The following ABCA9 variants were observed in gnomAD, a reference collection of about 807,000 sequenced individuals.
ABCA9 encodes ATP binding cassette subfamily A member 9.
Under a neutral mutation model 205.3 loss-of-function variants are expected in ABCA9, and 183 were observed. The observed-to-expected ratio is 0.89, with a 90% CI of 0.79 to 1.01. The LOEUF (loss-of-function observed/expected upper bound fraction) is 1.01, where lower values mean the gene tolerates loss of function less well. Among genes scored for constraint, ABCA9 ranks in the 50% least tolerant of loss-of-function variants. The probability of loss-of-function intolerance (pLI) is 0.00; values close to 1 mark genes in which losing one functional copy is unlikely to be tolerated. For synonymous variants in ABCA9, 651 were observed against 683.3 expected, an observed-to-expected ratio of 0.95 and a Z score of 0.74; for missense variants, 1,805 against 1,912.4, an observed-to-expected ratio of 0.94 and a Z score of 1.05.
chr17:69,070,106 A>G, the ABCA9 span, among the ~76,000 whole-genome samples: 1 of 152,194 alleles, frequency 6.6e-6, no homozygotes, highest in Non-Finnish European at 1.5e-5. Flanking sequence ...TAATGGTTCC[A>G]GAATGAACAA....
At chr17:69,040,931 A>T (rs2071515785) in intron 6 of ABCA9, among the ~76,000 whole-genome samples, 1 of 152,218 alleles carries the variant, frequency 6.6e-6, no homozygotes, top group African/African-American at 2.4e-5. Flanking sequence ...AAGGAGAAAG[A>T]GAAAAAGCTT....
chr17:69,040,315 T>C (rs1255061626), intron 6 of ABCA9, among the ~76,000 whole-genome samples: 1 of 152,112 alleles, frequency 6.6e-6, no homozygotes, highest in African/African-American at 2.4e-5. Flanking sequence ...CCAATGCCCA[T>C]AAATGCTAGA....
chr17:69,023,701 C>T lies in ABCA9; in HGVS notation c.2281+513G>A, dbSNP rs1387389713. Among the ~76,000 whole-genome samples, 1 of 152,182 alleles carries T rather than the reference C, an allele frequency of 6.6e-6. No homozygotes were observed. On this transcript the variant is annotated intron_variant, in intron 17 of 38. Transcript: ENST00000340001. This position sits in a 1 kb window ranked among gnomAD's most constrained non-coding sequence, Gnocchi z 4.2. ...GAAAAGTAATAACACCAGTAGTTCT[C>T]CAAGCTTCTGTGTTTGCAGCAAAGT...
rs536077740 is a variant in ABCA9 at position 68,982,518 on chromosome 17, CT to C, written c.4720+43del. 2.1e-4 allele frequency: 298 copies of C among 1,448,400 alleles called. No homozygotes were observed. The African/African-American group carries it at 2.7e-3, about 13-fold the overall frequency. The allele number at this position is 1,448,400 out of a possible 1,614,324, so 89.7% of individuals were successfully genotyped here. On this transcript the variant is annotated intron_variant, in intron 37 of 38. Transcript: ENST00000340001. Reference sequence around the variant, plus strand: ...ATACTGGTTCTATGTCAGATTTAGGCTTATCTGTTTCCCAGAGTTTTGTCTC... The same window carrying C: ...ATACTGGTTCTATGTCAGATTTAGGCTATCTGTTTCCCAGAGTTTTGTCTC...
chr17:68,990,388 C>T (rs532088024), intron 29 of ABCA9, among the ~76,000 whole-genome samples: 1 of 152,266 alleles, frequency 6.6e-6, no homozygotes, highest in South Asian at 2.1e-4. Context: ...TATGCACATG[C>T]ATGTGTTTCT....
In ABCA9 at chr17:69,016,701, T is replaced by G. The variant is rs192271461; in HGVS notation, c.2902-311A>C. Among the ~76,000 whole-genome samples the G allele has an allele frequency of 8.5e-5, 13 of 152,290 alleles. No individual in the cohort carries two copies. In the East Asian group the frequency reaches 2.5e-3, roughly 29 times the overall value. The stretch of plus-strand genomic sequence containing the variant: ...TCCATAGTGCAACCTCAGTTTAACC[T>G]GGCTATAGACTTTGTTTCAAAATGT... On this transcript the variant is annotated intron_variant, in intron 21 of 38. Transcript: ENST00000340001.
chr17:69,022,300 T>C (rs2070839058), intron 17 of ABCA9: 1 of 151,924 alleles, frequency 6.6e-6, no homozygotes, highest in Non-Finnish European at 1.5e-5. Flanking sequence ...TATAGACTCT[T>C]TGATAGTTTA....
intron 3 of ABCA9, among the ~76,000 whole-genome samples, chr17:69,046,381 G>C (rs2071703009): frequency 6.6e-6 from 1 of 152,126 alleles, no homozygotes; most frequent in Non-Finnish European, 1.5e-5. Context: ...GGCTTAACCA[G>C]ACTCAGGTCT....
rs2070669008 is a variant in ABCA9 at position 69,017,690 on chromosome 17, T to G, written c.2867A>C (p.Tyr956Ser). ...ACCTGACACAATGATAGCACCATTGTAAGATGGGTCATCTGTGCCATTTCT... is the reference window on the plus strand; with the variant it reads ...ACCTGACACAATGATAGCACCATTGGAAGATGGGTCATCTGTGCCATTTCT... ...GTRNGTDDPS[Y>S]NGAIIVSGDE... The change falls in exon 21 of 39, where the codon TAC (tyrosine) becomes TCC (serine). Residue 956 changes from tyrosine (Y) to serine (S), a missense_variant. Physicochemically the swap from Tyr to Ser is moderately radical, Grantham distance 144. Coordinates refer to ENST00000340001, the MANE Select transcript of ABCA9 (RefSeq NM_080283.4). 1 of 1,613,428 alleles carries G rather than the reference T, an allele frequency of 6.2e-7. No homozygotes were observed. Among genetic ancestry groups the G allele is most frequent in the African/African-American group, 1.3e-5 (1 of 74,994 alleles).
At chr17:68,987,140 GTTTGT>G (rs1427713560) in intron 31 of ABCA9, among the ~76,000 whole-genome samples, 1 of 152,172 alleles carries the variant, frequency 6.6e-6, no homozygotes, top group East Asian at 1.9e-4. Context: ...TGTGTTAGGT[GTTTGT>G]TTTATCATTG....
rs370508226 is a variant in ABCA9, at chr17:68,986,208, G to A, written c.4164C>T (p.Ala1388=). Residue 1388 remains alanine (A), a synonymous_variant, in exon 32 of 39, where the codon GCC becomes GCT. Coordinates refer to ENST00000340001, the MANE Select transcript of ABCA9 (RefSeq NM_080283.4). ...TVRQHLEVYA[A]VKGLRKGDAM... ...CGTCCCCTTTCCTGAGACCTTTCACGGCAGCGTACACCTCCAGGTGCTGCC... is the reference window on the plus strand; with the variant it reads ...CGTCCCCTTTCCTGAGACCTTTCACAGCAGCGTACACCTCCAGGTGCTGCC... The A allele has an allele frequency of 1.8e-5, 29 of 1,613,186 alleles. No homozygotes were observed. Among genetic ancestry groups the A allele is most frequent in the Non-Finnish European group, 2.1e-5 (25 of 1,179,590 alleles).
At chr17:69,050,542 C>A (rs575947530) in intron 2 of ABCA9, among the ~76,000 whole-genome samples, 2 of 152,186 alleles carry the variant, frequency 1.3e-5, no homozygotes, top group African/African-American at 4.8e-5. Context: ...GATCACAATA[C>A]TATTTTCCCA....
intron 8 of ABCA9, among the ~76,000 whole-genome samples, chr17:69,034,391 T>C (rs1363642659): frequency 1.3e-5 from 2 of 152,122 alleles, no homozygotes; most frequent in Non-Finnish European, 2.9e-5. Context: ...CTGGCTAATT[T>C]TTTTTTATTT....
intron 19 of ABCA9, among the ~76,000 whole-genome samples, chr17:69,019,170 A>C (rs2070734753): frequency 6.6e-6 from 1 of 152,028 alleles, no homozygotes; most frequent in South Asian, 2.1e-4. Context: ...CTGACTCTTC[A>C]ATATTGTTCT....
At chr17:69,025,034 A>T (rs1171607065) in intron 16 of ABCA9, among the ~76,000 whole-genome samples, 1 of 152,170 alleles carries the variant, frequency 6.6e-6, no homozygotes, top group African/African-American at 2.4e-5. Context: ...TTTGAAAAAA[A>T]GGCTATTCTG....
At position 69,008,047 on chromosome 17, in the gene ABCA9, A is replaced by T. The variant is rs2070215189; in HGVS notation, c.3321+15T>A. 1 of 1,590,336 alleles carries T rather than the reference A, an allele frequency of 6.3e-7. No homozygotes were observed. Among genetic ancestry groups the T allele is most frequent in the African/African-American group, 1.4e-5 (1 of 73,908 alleles). On this transcript the variant is annotated intron_variant, in intron 24 of 38. Coordinates refer to ENST00000340001, the MANE Select transcript of ABCA9 (RefSeq NM_080283.4). ...AATAGTCTAATAAAACCATTTCAAA[A>T]TTGCTGCCACTTACTTGAATTAACA...
At chr17:69,011,805 C>T in intron 23 of ABCA9, 171 bp downstream of exon 23, 1 of 485,138 alleles carries the variant, frequency 2.1e-6, no homozygotes, top group East Asian at 3.3e-5. Context: ...ACATTTGTTT[C>T]AGAAAGATAG....
At chr17:69,018,013 A>C in intron 20 of ABCA9, 1 of 481,190 alleles carries the variant, frequency 2.1e-6, no homozygotes, top group South Asian at 3.7e-5. Flanking sequence ...AATTTCTATT[A>C]GTATAGAAAT....
intron 25 of ABCA9, among the ~76,000 whole-genome samples, chr17:69,004,150 G>A (rs1019428874): frequency 8.5e-5 from 13 of 152,276 alleles, no homozygotes; most frequent in East Asian, 3.9e-4. Context: ...GCTTTGTTCC[G>A]TTGCTGGTGA....
Sources: allele counts gnomAD v4.1 joint callset (sites outside exome capture counted in the v4.1 genomes callset), GRCh38; gene constraint gnomAD v4.1.1; non-coding constraint Gnocchi (gnomAD v3.1); transcripts MANE v1.5; gene names NCBI Gene and HGNC (gene_info 2026-07-23, HGNC 2026-07-21).